The following PUDP variants were observed in gnomAD, a reference collection of about 807,000 sequenced individuals.
The protein encoded by PUDP is pseudouridine 5'-phosphatase, also known as pseudouridine-5'-phosphatase.
A neutral mutation model predicts 9.4 loss-of-function variants in PUDP; 8 were observed. The observed-to-expected ratio is 0.85, with a 90% confidence interval of 0.50 to 1.53. The LOEUF is 1.53. Among genes scored for constraint, PUDP ranks in the 40% most tolerant of loss-of-function variants. The probability of loss-of-function intolerance (pLI) is 0.00; values close to 1 mark genes in which losing one functional copy is unlikely to be tolerated. For missense variants in PUDP, 188 were observed against 189.7 expected, an observed-to-expected ratio of 0.99 and a Z score of 0.05; for synonymous variants, 99 against 80.7, an observed-to-expected ratio of 1.23 and a Z score of -1.22.
chrX:6,957,041 A>G (rs1443253718), intron 3 of PUDP, among the ~76,000 whole-genome samples: 1 of 112,416 alleles, frequency 8.9e-6, no homozygotes, highest in Non-Finnish European at 1.9e-5. Flanking sequence ...AGGCAGATGA[A>G]AAATTTAAAG....
At chrX:6,836,096 T>G (rs1393960188) in intron 3 of PUDP, among the ~76,000 whole-genome samples, 2 of 111,583 alleles carry the variant, frequency 1.8e-5, no homozygotes, top group Non-Finnish European at 3.8e-5. Context: ...TAATAAGTTG[T>G]ATGTTCTAAT....
At chrX:6,784,820 G>A (rs1287625638) in intron 3 of PUDP, among the ~76,000 whole-genome samples, 1 of 112,223 alleles carries the variant, frequency 8.9e-6, no homozygotes, top group African/African-American at 3.2e-5. Flanking sequence ...AAATGAATGT[G>A]CAACCTGTGT....
intron 3 of PUDP, among the ~76,000 whole-genome samples, chrX:6,807,269 G>A (rs1194096045): frequency 2.7e-5 from 3 of 111,890 alleles, no homozygotes; most frequent in Non-Finnish European, 3.8e-5. Context: ...GGAGTAATCC[G>A]ATATCCAGGG....
chrX:7,122,210 C>CAT (rs1311278461), intron 1 of PUDP, among the ~76,000 whole-genome samples: 1 of 63,834 alleles, frequency 1.6e-5, no homozygotes, highest in Non-Finnish European at 2.8e-5. Flanking sequence ...AAAAAAAACC[C>CAT]ATATATGTGT....
chrX:6,919,382 A>C (rs1191196845), intron 3 of PUDP, among the ~76,000 whole-genome samples: 5 of 111,583 alleles, frequency 4.5e-5, no homozygotes, highest in African/African-American at 1.3e-4. Context: ...ACAGGTATTC[A>C]AAAGATGAAA....
At chrX:7,020,481 T>C (rs1384767264) in intron 1 of PUDP, among the ~76,000 whole-genome samples, 2 of 111,091 alleles carry the variant, frequency 1.8e-5, no homozygotes. Context: ...CTCAAACTTA[T>C]TATCACTGAT....
intron 1 of PUDP, among the ~76,000 whole-genome samples, chrX:6,718,549 G>A (rs998599905): frequency 1.5e-4 from 17 of 111,262 alleles, no homozygotes; most frequent in Admixed American, 1.1e-3. Context: ...TAAATAATGC[G>A]TACACTTGGA....
intron 1 of PUDP, among the ~76,000 whole-genome samples, chrX:7,124,742 C>T (rs1282456480): frequency 9.0e-6 from 1 of 110,780 alleles, no homozygotes; most frequent in Non-Finnish European, 1.9e-5. Flanking sequence ...GTCAGGAGAT[C>T]GAGACCATCC....
At chrX:7,019,412 C>T (rs1173361083) in intron 1 of PUDP, among the ~76,000 whole-genome samples, 2 of 111,789 alleles carry the variant, frequency 1.8e-5, no homozygotes, top group African/African-American at 6.5e-5. Flanking sequence ...ACAGGAGGAG[C>T]CCTGCAAAGC....
chrX:6,783,748 G>A (rs1307702688), intron 3 of PUDP, among the ~76,000 whole-genome samples: 1 of 111,892 alleles, frequency 8.9e-6, no homozygotes, highest in Non-Finnish European at 1.9e-5. Flanking sequence ...TAAAGAGAGA[G>A]ATATATAAGA....
chrX:6,930,365 C>T (rs953207261), intron 3 of PUDP, among the ~76,000 whole-genome samples: 1 of 111,454 alleles, frequency 9.0e-6, no homozygotes, highest in African/African-American at 3.3e-5. Context: ...GTCAAATCCA[C>T]CAAAACCAAG....
intron 3 of PUDP, among the ~76,000 whole-genome samples, chrX:6,871,119 C>T (rs1450845745): frequency 3.6e-5 from 4 of 112,153 alleles, no homozygotes; most frequent in African/African-American, 1.3e-4. Flanking sequence ...TTAAAGCCAC[C>T]GCAGTGGACT....
intron 3 of PUDP, among the ~76,000 whole-genome samples, chrX:6,766,876 CAA>C (rs1460185913): frequency 8.9e-6 from 1 of 112,022 alleles, no homozygotes; most frequent in African/African-American, 3.2e-5. Flanking sequence ...TTCTTTCTTA[CAA>C]CTACATGACT....
intron 3 of PUDP, among the ~76,000 whole-genome samples, chrX:6,793,997 T>G (rs980176077): frequency 6.3e-5 from 7 of 111,724 alleles, no homozygotes; most frequent in African/African-American, 2.3e-4. Flanking sequence ...ACCAGTGAAC[T>G]TGGGGCTATC....
intron 3 of PUDP, among the ~76,000 whole-genome samples, chrX:6,813,186 G>C (rs1450974601): frequency 1.8e-5 from 2 of 109,315 alleles, no homozygotes; most frequent in African/African-American, 3.3e-5. Context: ...CAAAGAAAGA[G>C]AAAAAAAAGA....
chrX:6,870,488 T>G (rs1334082256), intron 3 of PUDP, among the ~76,000 whole-genome samples: 1 of 111,809 alleles, frequency 8.9e-6, no homozygotes, highest in African/African-American at 3.3e-5. Flanking sequence ...GCCATCCATG[T>G]AAGATGTGAC....
At chrX:7,122,277 T>C (rs1489383574) in intron 1 of PUDP, among the ~76,000 whole-genome samples, 5 of 110,141 alleles carry the variant, frequency 4.5e-5, no homozygotes, top group Non-Finnish European at 9.5e-5. Context: ...CTGATAACCA[T>C]AATGAAGAGG....
At chrX:6,799,688 T>A (rs1456486865) in intron 3 of PUDP, among the ~76,000 whole-genome samples, 1 of 110,957 alleles carries the variant, frequency 9.0e-6, no homozygotes, top group East Asian at 2.8e-4. Context: ...AAATACAAAA[T>A]TAGCCAGACG....
intron 3 of PUDP, among the ~76,000 whole-genome samples, chrX:6,821,372 T>C (rs182386519): frequency 3.1e-4 from 34 of 111,447 alleles, no homozygotes; most frequent in Admixed American, 2.7e-3. Flanking sequence ...GAGACTGCCC[T>C]GTTCCAAAGA....
Sources: allele counts gnomAD v4.1 joint callset (sites outside exome capture counted in the v4.1 genomes callset), GRCh38; gene constraint gnomAD v4.1.1; transcripts MANE v1.5; gene names NCBI Gene and HGNC (gene_info 2026-07-23, HGNC 2026-07-21).